SEZ6: variants seen among roughly 807,000 people sequenced by gnomAD.
SEZ6 encodes seizure protein 6 homolog.
SEZ6 carries 53 observed loss-of-function variants against 101.0 expected under a neutral mutation model. That is an observed-to-expected ratio of 0.52 (90% CI 0.42 to 0.66). The LOEUF (loss-of-function observed/expected upper bound fraction) is 0.66. Ranked by LOEUF, SEZ6 falls within the 30% of genes least tolerant of loss-of-function variation. The pLI, the probability that SEZ6 is intolerant of heterozygous loss-of-function variation, is 0.00. For missense variants in SEZ6, 1,102 were observed against 1,289.4 expected (o/e 0.85, Z 2.23); for synonymous variants, 488 against 512.2 (o/e 0.95, Z 0.64).
At chr17:28,983,835 G>A (rs1231025652) in intron 1 of SEZ6, among the ~76,000 whole-genome samples, 1 of 152,088 alleles carries the variant, frequency 6.6e-6, no homozygotes, top group Non-Finnish European at 1.5e-5. Context: ...TGGTGGTGGG[G>A]CTGTCATTCC....
chr17:28,956,998 C>A, intron 13 of SEZ6, 47 bp downstream of exon 13: 2 of 1,508,264 alleles, frequency 1.3e-6, no homozygotes, highest in Non-Finnish European at 1.8e-6. Flanking sequence ...TTTGCCAGAG[C>A]AGCTCTATGG....
At chr17:28,982,180 C>T (rs1042741919) in intron 1 of SEZ6, 141 bp from the exon 2 acceptor site, 19 of 1,404,400 alleles carry the variant, frequency 1.4e-5, no homozygotes, top group Non-Finnish European at 5.6e-6. Context: ...CACGGAACTA[C>T]AGAATTTGTG....
chr17:29,000,477 C>T (rs2041601366), intron 1 of SEZ6, among the ~76,000 whole-genome samples: 1 of 152,188 alleles, frequency 6.6e-6, no homozygotes, highest in Non-Finnish European at 1.5e-5. Context: ...GGCCAGGCCT[C>T]ACGTCTCAAT....
rs1313552328 is a variant in SEZ6, at chr17:29,005,830, C to T, written c.40G>A (p.Ala14Thr). The T allele has an allele frequency of 1.7e-5, 25 of 1,486,130 alleles. No individual in the cohort carries two copies. Among genetic ancestry groups the T allele is most frequent in the Non-Finnish European group, 2.1e-5 (24 of 1,118,604 alleles). The allele number at this position is 1,486,130 out of a possible 1,614,324, so 92.1% of individuals were successfully genotyped here. A position where few individuals can be genotyped will look rare whatever the true frequency, so the allele number is the denominator to read the frequency against. Reference sequence around the variant, plus strand: ...GGTCCCTTACCGTGAGCCAGGAGCGCCAGCAGCGAGGGCAGGAGCAGCAGG... The same window carrying T: ...GGTCCCTTACCGTGAGCCAGGAGCGTCAGCAGCGAGGGCAGGAGCAGCAGG... Reference protein sequence around the residue: ...VALLLLPSLLALLAHGLSLEA... With the variant: ...VALLLLPSLLTLLAHGLSLEA... Residue 14 changes from alanine to threonine, a missense_variant, in exon 1 of 17, where the codon GCG (alanine) becomes ACG (threonine). Coordinates refer to ENST00000317338, the MANE Select transcript of SEZ6 (RefSeq NM_178860.5). The surrounding 1 kb of genome is among the most constrained non-coding windows in gnomAD (Gnocchi z 4.8).
chr17:28,983,572 C>T (rs936801649), intron 1 of SEZ6, among the ~76,000 whole-genome samples: 1 of 152,020 alleles, frequency 6.6e-6, no homozygotes, highest in African/African-American at 2.4e-5. Context: ...ACTTATTCAA[C>T]CACATAGCTG....
chr17:28,979,880 C>A, intron 2 of SEZ6, 67 bp from the exon 3 acceptor site: 4 of 856,676 alleles, frequency 4.7e-6, no homozygotes, highest in South Asian at 4.8e-5. Flanking sequence ...AAGGCTGAAC[C>A]GTGTGTGTGT....
intron 2 of SEZ6, among the ~76,000 whole-genome samples, chr17:28,980,783 C>T (rs2041289749): frequency 6.6e-6 from 1 of 152,146 alleles, no homozygotes; most frequent in African/African-American, 2.4e-5. Flanking sequence ...GGATTACAGG[C>T]ATGAGCCACC....
At position 28,959,759 on chromosome 17, in the gene SEZ6, G is replaced by C. The variant is rs371933090; in HGVS notation, c.1710C>G (p.Ile570Met). ...DPGYTLEQGS[I>M]IIECVDPHDP... ...CGTGGGGGTCAACACACTCGATGAT[G>C]ATGGAGCCCTGCTCCAGGGTGTAGC... Residue 570 changes from isoleucine to methionine, a missense_variant, in exon 8 of 17, where the codon ATC (isoleucine) becomes ATG (methionine). By Grantham distance (10) the Ile-to-Met change is conservative (BLOSUM62 1). Around this residue, in one of 3 missense-constraint regions of SEZ6, gnomAD observed 556 missense variants for 735.1 expected, o/e 0.76. Transcript: ENST00000317338. The surrounding 1 kb of genome is among the most constrained non-coding windows in gnomAD (Gnocchi z 4.4). The C allele has an allele frequency of 9.9e-6, 16 of 1,612,954 alleles. No individual in the cohort carries two copies. The highest frequency in any genetic ancestry group is 3.3e-5 in the Admixed American group (2 of 59,956).
chr17:29,004,605 T>A (rs1295599679), intron 1 of SEZ6, among the ~76,000 whole-genome samples: 1 of 152,206 alleles, frequency 6.6e-6, no homozygotes, highest in Admixed American at 6.5e-5. Flanking sequence ...AGCCTGTCCC[T>A]GGCCGCGCTG....
chr17:29,006,050 C>G (rs559361833), upstream of SEZ6: 78 of 420,498 alleles, frequency 1.9e-4, 2 homozygotes, highest in African/African-American at 1.2e-3. Flanking sequence ...CGCCTGGCGA[C>G]GGCGCCGGGG....
In SEZ6 at chr17:28,981,929, G is replaced by A. The variant is rs769594666; in HGVS notation, c.166C>T (p.His56Tyr). The A allele has an allele frequency of 9.9e-6, 16 of 1,613,776 alleles. No individual in the cohort carries two copies. The African/African-American group carries it at 1.7e-4, about 18-fold the overall frequency. The change falls in exon 2 of 17, where the codon CAC becomes TAC. Residue 56 changes from histidine to tyrosine, a missense_variant. Transcript: ENST00000317338. Reference sequence around the variant, plus strand: ...AAGGTGGGGGCTGTTGTGACAAAGTGGACGCCTCGTTCTGGCTGCTCAGGT... The same window carrying A: ...AAGGTGGGGGCTGTTGTGACAAAGTAGACGCCTCGTTCTGGCTGCTCAGGT... The part of the protein sequence containing the change: ...PTPEQPERGV[H>Y]FVTTAPTLKL...
intron 1 of SEZ6, among the ~76,000 whole-genome samples, chr17:28,987,386 C>G (rs1039428028): frequency 2.0e-5 from 3 of 152,186 alleles, no homozygotes; most frequent in African/African-American, 7.2e-5. Context: ...GAGGCCCCAG[C>G]TAGAGGCTGG....
intron 10 of SEZ6, among the ~76,000 whole-genome samples, chr17:28,958,444 T>C (rs1391191998): frequency 6.6e-6 from 1 of 152,096 alleles, no homozygotes; most frequent in Non-Finnish European, 1.5e-5. Context: ...CTATGAAAGA[T>C]TGTCAGAAAG....
intron 1 of SEZ6, among the ~76,000 whole-genome samples, chr17:28,993,234 T>C (rs1171872786): frequency 2.0e-5 from 3 of 152,144 alleles, no homozygotes; most frequent in Non-Finnish European, 4.4e-5. Flanking sequence ...AGCTGGGGAC[T>C]GGGCTTCGTT....
At chr17:28,993,233 C>T (rs540149186) in intron 1 of SEZ6, among the ~76,000 whole-genome samples, 29 of 152,270 alleles carry the variant, frequency 1.9e-4, no homozygotes, top group African/African-American at 6.7e-4. Context: ...GAGCTGGGGA[C>T]TGGGCTTCGT....
At chr17:28,991,745 G>T (rs2152691699) in intron 1 of SEZ6, among the ~76,000 whole-genome samples, 1 of 152,274 alleles carries the variant, frequency 6.6e-6, no homozygotes, top group East Asian at 1.9e-4. Context: ...GAGTTTTTCA[G>T]AAAGGCCTCG....
intron 1 of SEZ6, 38 bp from the exon 2 acceptor site, chr17:28,982,077 C>A: frequency 6.5e-7 from 1 of 1,531,022 alleles, no homozygotes; most frequent in South Asian, 1.2e-5. Context: ...TCTCCCCCTG[C>A]TCCAGAGAGC....
At chr17:28,976,364 G>C (rs1232014336) in intron 3 of SEZ6, among the ~76,000 whole-genome samples, 1 of 152,230 alleles carries the variant, frequency 6.6e-6, no homozygotes, top group African/African-American at 2.4e-5. Context: ...TCTCATGCTA[G>C]GGTCCCAGCA....
At chr17:28,992,196 T>C (rs1388385541) in intron 1 of SEZ6, among the ~76,000 whole-genome samples, 2 of 152,186 alleles carry the variant, frequency 1.3e-5, no homozygotes, top group East Asian at 3.8e-4. Context: ...ATCAATAGTT[T>C]ATGCTTGGCC....
Sources: allele counts gnomAD v4.1 joint callset (sites outside exome capture counted in the v4.1 genomes callset), GRCh38; gene constraint gnomAD v4.1.1; regional missense constraint gnomAD v4.1.1; non-coding constraint Gnocchi (gnomAD v3.1); transcripts MANE v1.5; gene names NCBI Gene and HGNC (gene_info 2026-07-23, HGNC 2026-07-21).